GRM7: variants seen among roughly 807,000 people sequenced by gnomAD.
GRM7 encodes metabotropic glutamate receptor 7.
Under a neutral mutation model 84.5 loss-of-function variants are expected in GRM7, and 35 were observed. That is an observed-to-expected ratio of 0.41 (90% CI 0.32 to 0.55). The LOEUF is 0.55. Among genes scored for constraint, GRM7 ranks in the 20% least tolerant of loss-of-function variants. The pLI, the probability that GRM7 is intolerant of heterozygous loss-of-function variation, is 0.19. For synonymous variants in GRM7, 487 were observed against 455.1 expected (o/e 1.07, Z -0.89); for missense variants, 1,003 against 1,194.6 (o/e 0.84, Z 2.36).
Position 7,435,291 on chromosome 3 carries a change from G to C in GRM7, c.1175-17316G>C, listed in dbSNP as rs115243031. ...CAATTCTCCCACCTTAGCCTCCCTG[G>C]TAGCTAGGACTACAGGTGTGTGCCA... On this transcript the variant is annotated intron_variant, in intron 5 of 9. Coordinates refer to ENST00000357716, the MANE Select transcript of GRM7 (RefSeq NM_000844.4). 1.1e-3 allele frequency among the ~76,000 whole-genome samples: 161 copies of C among 151,856 alleles called. 1 individual carries two copies. The highest frequency in any genetic ancestry group is 3.9e-3 in the African/African-American group (160 of 41,428).
At chr3:7,538,120 A>AT (rs1490902608) in intron 7 of GRM7, among the ~76,000 whole-genome samples, 2 of 151,896 alleles carry the variant, frequency 1.3e-5, no homozygotes, top group Non-Finnish European at 2.9e-5. Flanking sequence ...TTTTATTATT[A>AT]TTTTTTGAGA....
intron 7 of GRM7, among the ~76,000 whole-genome samples, chr3:7,501,978 C>G (rs1439527777): frequency 6.6e-6 from 1 of 152,162 alleles, no homozygotes; most frequent in South Asian, 2.1e-4. Context: ...GATAATGCAG[C>G]CTTACATAGT....
At chr3:7,256,567 A>T (rs948442400) in intron 2 of GRM7, among the ~76,000 whole-genome samples, 8 of 152,160 alleles carry the variant, frequency 5.3e-5, no homozygotes, top group African/African-American at 1.9e-4. Flanking sequence ...ACTTCGAGGT[A>T]GTAATATGGC....
rs75770220 is a variant in GRM7, at chr3:6,871,153, G to A, written c.519+9246G>A. ...GTATCTCATTATTTTAATAACATTT[G>A]TGACACAATTATTCTGGTCAGACAC... On this transcript the variant is annotated intron_variant, in intron 1 of 9. Transcript: ENST00000357716. Among the ~76,000 whole-genome samples the A allele has an allele frequency of 5.6e-3, 859 of 152,188 alleles. 6 individuals are homozygous for A. Among genetic ancestry groups the A allele is most frequent in the African/African-American group, 0.02 (822 of 41,522 alleles).
At chr3:7,633,741 G>T (rs141989689) in intron 8 of GRM7, among the ~76,000 whole-genome samples, 1 of 151,834 alleles carries the variant, frequency 6.6e-6, no homozygotes, top group Non-Finnish European at 1.5e-5. Context: ...TTCCTTCCCC[G>T]CAATGCATTA....
intron 1 of GRM7, among the ~76,000 whole-genome samples, chr3:7,015,135 A>AC (rs367819980): frequency 0.028 from 3,988 of 144,464 alleles, 155 homozygotes; most frequent in African/African-American, 0.095. Flanking sequence ...CCTACACCCC[A>AC]CCCCCCCATA....
chr3:7,479,791 C>T (rs1699061148), intron 7 of GRM7, among the ~76,000 whole-genome samples: 1 of 151,994 alleles, frequency 6.6e-6, no homozygotes, highest in South Asian at 2.1e-4. Flanking sequence ...GTGAATAAAC[C>T]CAGTTTGTCT....
chr3:7,621,591 C>A (rs948439185), intron 8 of GRM7, among the ~76,000 whole-genome samples: 1 of 152,068 alleles, frequency 6.6e-6, no homozygotes, highest in Admixed American at 6.6e-5. Flanking sequence ...TATCCAGTTA[C>A]AGAACCACTT....
chr3:7,415,800 G>C (rs969696671), intron 5 of GRM7, among the ~76,000 whole-genome samples: 1 of 152,110 alleles, frequency 6.6e-6, no homozygotes, highest in African/African-American at 2.4e-5. Context: ...AACTAAGTGA[G>C]AATCCTCCCT....
At position 6,951,847 on chromosome 3, in the gene GRM7, T is replaced by C. The variant is rs566073424; in HGVS notation, c.519+89940T>C. Among the ~76,000 whole-genome samples, 4 of 152,310 alleles carry C rather than the reference T, an allele frequency of 2.6e-5. No individual in the cohort carries two copies. In the South Asian group the frequency reaches 8.3e-4, roughly 32 times the overall value. The stretch of plus-strand genomic sequence containing the variant: ...TTTTCTATCTACTTATTCTCTTAAT[T>C]ATTGTGCTTCATATATTTTGTAGCT... On this transcript the variant is annotated intron_variant, in intron 1 of 9. Coordinates refer to ENST00000357716, the MANE Select transcript of GRM7 (RefSeq NM_000844.4).
At chr3:7,244,799 A>G (rs1697695099) in intron 2 of GRM7, among the ~76,000 whole-genome samples, 1 of 152,098 alleles carries the variant, frequency 6.6e-6, no homozygotes, top group Non-Finnish European at 1.5e-5. Flanking sequence ...GAAGTGAGAA[A>G]CATTCGACTC....
At chr3:7,535,788 A>G (rs1464687786) in intron 7 of GRM7, among the ~76,000 whole-genome samples, 3 of 152,220 alleles carry the variant, frequency 2.0e-5, no homozygotes, top group Non-Finnish European at 4.4e-5. Flanking sequence ...CCCAAGCTAC[A>G]GAGTCCAAAG....
intron 8 of GRM7, among the ~76,000 whole-genome samples, chr3:7,669,671 T>C (rs972550377): frequency 7.2e-5 from 11 of 151,782 alleles, no homozygotes; most frequent in Non-Finnish European, 1.0e-4. Flanking sequence ...CCCTAAAGAG[T>C]GAGTGGTCAG....
chr3:7,533,729 T>A (rs1701131132), intron 7 of GRM7, among the ~76,000 whole-genome samples: 1 of 152,164 alleles, frequency 6.6e-6, no homozygotes, highest in Non-Finnish European at 1.5e-5. Context: ...AATAGGAGAC[T>A]CAATGAAGTG....
chr3:7,508,183 C>G (rs1369315618), intron 7 of GRM7, among the ~76,000 whole-genome samples: 1 of 151,998 alleles, frequency 6.6e-6, no homozygotes, highest in Non-Finnish European at 1.5e-5. Context: ...CTGTAGTGAA[C>G]CTATCAAAAC....
chr3:7,343,490 A>T (rs1200126374), intron 4 of GRM7, among the ~76,000 whole-genome samples: 1 of 152,194 alleles, frequency 6.6e-6, no homozygotes, highest in East Asian at 1.9e-4. Flanking sequence ...CTGGGATTAC[A>T]GGCATAAGCC....
intron 4 of GRM7, among the ~76,000 whole-genome samples, chr3:7,351,376 A>T (rs972475492): frequency 6.8e-6 from 1 of 147,696 alleles, no homozygotes; most frequent in Non-Finnish European, 1.5e-5. Flanking sequence ...ACTGACTTAT[A>T]AACTGACCCA....
intron 2 of GRM7, among the ~76,000 whole-genome samples, chr3:7,228,068 A>C (rs189898169): frequency 5.0e-4 from 76 of 152,242 alleles, no homozygotes; most frequent in African/African-American, 1.7e-3. Context: ...TAATATTATC[A>C]ATGTATGTCT....
intron 4 of GRM7, among the ~76,000 whole-genome samples, chr3:7,392,002 C>A (rs921045749): frequency 6.6e-6 from 1 of 152,148 alleles, no homozygotes; most frequent in Non-Finnish European, 1.5e-5. Context: ...TACATCTATT[C>A]TTGAGTTTTG....
Sources: gnomAD v4.1 joint callset for allele counts (sites outside exome capture counted in the v4.1 genomes callset) on GRCh38, gnomAD v4.1.1 for gene constraint, MANE v1.5 for transcripts, NCBI Gene and HGNC (gene_info 2026-07-23, HGNC 2026-07-21) for gene names.